The following DST variants were observed in gnomAD, a reference collection of about 807,000 sequenced individuals.
The protein encoded by DST is dystonin.
Under a neutral mutation model 875.2 loss-of-function variants are expected in DST, and 253 were observed. The observed-to-expected ratio is 0.29, with a 90% confidence interval of 0.26 to 0.32. The LOEUF (loss-of-function observed/expected upper bound fraction) is 0.32, where lower values mean the gene tolerates loss of function less well. Ranked by LOEUF, DST falls within the 10% of genes least tolerant of loss-of-function variation. The pLI is 1.00. For missense variants in DST, 8,287 were observed against 9,111.6 expected (o/e 0.91, Z 3.68); for synonymous variants, 3,124 against 3,197.1 (o/e 0.98, Z 0.77).
At chr6:56,734,233 G>A (rs936955369) in intron 5 of DST, among the ~76,000 whole-genome samples, 3 of 152,234 alleles carry the variant, frequency 2.0e-5, no homozygotes, top group African/African-American at 7.2e-5. Context: ...CTCCCTGAGG[G>A]ATATTATCAG....
At chr6:56,645,762 T>G in intron 15 of DST, 104 bp downstream of exon 15, 1 of 1,369,184 alleles carries the variant, frequency 7.3e-7, no homozygotes, top group East Asian at 2.3e-5. Context: ...ATTAAGAGAC[T>G]TATCCAAGGC....
At chr6:56,465,843 C>A (rs1262014737) in intron 99 of DST, among the ~76,000 whole-genome samples, 1 of 147,386 alleles carries the variant, frequency 6.8e-6, no homozygotes, top group Non-Finnish European at 1.5e-5. Flanking sequence ...GTATTTCCCG[C>A]CCACCATATT....
chr6:56,526,601 G>A, intron 68 of DST, 34 bp from the exon 69 acceptor site: 5 of 1,590,670 alleles, frequency 3.1e-6, no homozygotes, highest in Non-Finnish European at 4.3e-6. Context: ...TAACACTTAA[G>A]AGCTTCAACA....
chr6:56,608,056 G>A lies in DST; in HGVS notation c.6572C>T (p.Thr2191Ile), dbSNP rs1453768114. Residue 2191 changes from threonine to isoleucine, a missense_variant, in exon 40 of 104, where the codon ACT (threonine) becomes ATT (isoleucine). Physicochemically the swap from Thr to Ile is moderately conservative, Grantham distance 89. Coordinates refer to ENST00000680361, the MANE Select transcript of DST (RefSeq NM_001374736.1). The part of the protein sequence containing the change: ...DVFDGEEPVT[T>I]QTSEETKKLF... ...TTTTTTAGTTTCTTCTGAGGTCTGAGTAGTGACAGGTTCTTCTCCATCAAA... is the reference window on the plus strand; with the variant it reads ...TTTTTTAGTTTCTTCTGAGGTCTGAATAGTGACAGGTTCTTCTCCATCAAA... The A allele has an allele frequency of 6.2e-7, 1 of 1,613,398 alleles. No homozygotes were observed. The highest frequency in any genetic ancestry group is 2.2e-5 in the East Asian group (1 of 44,874).
At chr6:56,500,978 T>G (rs993832379) in intron 80 of DST, 102 bp downstream of exon 80, 39 of 1,146,998 alleles carry the variant, frequency 3.4e-5, no homozygotes, top group Non-Finnish European at 4.6e-5. Context: ...TGTGTCAAAA[T>G]CATAAACTTG....
intron 82 of DST, 139 bp downstream of exon 82, chr6:56,497,240 T>TCTA: frequency 1.2e-6 from 1 of 848,040 alleles, no homozygotes; most frequent in Non-Finnish European, 1.7e-6. Context: ...ATGGTGTGTT[T>TCTA]CTAACATGTA....
At chr6:56,650,024 A>G (rs2098965665) in intron 12 of DST, among the ~76,000 whole-genome samples, 1 of 152,174 alleles carries the variant, frequency 6.6e-6, no homozygotes, top group Non-Finnish European at 1.5e-5. Flanking sequence ...GAGCATGGGA[A>G]CAGGCTACTC....
At chr6:56,688,285 G>T (rs2099202143) in intron 9 of DST, among the ~76,000 whole-genome samples, 1 of 152,090 alleles carries the variant, frequency 6.6e-6, no homozygotes, top group Admixed American at 6.5e-5. Flanking sequence ...GTGGAGCAAG[G>T]CTAAACACAT....
At chr6:56,753,741 T>C (rs1460270435) in intron 4 of DST, among the ~76,000 whole-genome samples, 2 of 152,214 alleles carry the variant, frequency 1.3e-5, no homozygotes, top group East Asian at 3.8e-4. Context: ...CCTATTGTTT[T>C]AAATTAAGTT....
At chr6:56,779,188 A>G (rs1590131970) in intron 4 of DST, among the ~76,000 whole-genome samples, 4 of 152,158 alleles carry the variant, frequency 2.6e-5, no homozygotes, top group East Asian at 3.9e-4. Context: ...TCTTCTTTTG[A>G]GAAGTGTCTG....
intron 47 of DST, 68 bp downstream of exon 47, chr6:56,597,672 T>C: frequency 6.7e-7 from 1 of 1,501,468 alleles, no homozygotes; most frequent in African/African-American, 1.4e-5. Context: ...ACTCATGTGC[T>C]AGGTTATTTC....
In DST at chr6:56,522,057, T is replaced by C. The variant is rs146218969; in HGVS notation, c.18129+4304A>G. On this transcript the variant is annotated intron_variant, in intron 69 of 103. Coordinates refer to ENST00000680361, the MANE Select transcript of DST (RefSeq NM_001374736.1). ...CTGTAACTTCTGTTTATAGTTGAAT[T>C]AGCCTTTCAGGAATTTTCTAAAAGT... Among the ~76,000 whole-genome samples the C allele has an allele frequency of 9.6e-3, 1,465 of 152,228 alleles. 10 individuals are homozygous for C. Among genetic ancestry groups the C allele is most frequent in the Non-Finnish European group, 0.017 (1,165 of 67,988 alleles).
Position 56,489,556 on chromosome 6 carries a change from A to T in DST, c.20811T>A (p.Ser6937=). 6.2e-7 allele frequency: 1 copy of T among 1,613,286 alleles called. No individual in the cohort carries two copies. Among genetic ancestry groups the T allele is most frequent in the Non-Finnish European group, 8.5e-7 (1 of 1,179,480 alleles). Residue 6937 remains serine, a synonymous_variant, in exon 86 of 104, where the codon TCT becomes TCA. Coordinates refer to ENST00000680361, the MANE Select transcript of DST (RefSeq NM_001374736.1). The stretch of plus-strand genomic sequence containing the variant: ...TTGCGATTTCCAGTTCAGAATCCAA[A>T]GACTTTTCTGACTCTTCTAGCCACT... ...LMEWLEESEK[S]LDSELEIAND... is the part of the protein sequence containing the mutation.
chr6:56,690,339 C>T (rs1482707471), intron 9 of DST, among the ~76,000 whole-genome samples: 3 of 152,132 alleles, frequency 2.0e-5, no homozygotes, highest in African/African-American at 7.2e-5. Context: ...ATCTAATATA[C>T]TCCTTTTTTA....
Position 56,811,912 on chromosome 6 carries a change from T to C in DST, c.625+39485A>G, listed in dbSNP as rs150552297. 3.5e-3 allele frequency among the ~76,000 whole-genome samples: 529 copies of C among 151,612 alleles called. 17 individuals carry two copies. Among genetic ancestry groups the C allele is most frequent in the Admixed American group, 0.031 (473 of 15,198 alleles). On this transcript the variant is annotated intron_variant, in intron 4 of 103. Transcript: ENST00000680361. ...GAGTTTGAGACCAGCCTGGCCAATA[T>C]GGTGAAACCCCATCTCTACTAAAAA...
chr6:56,826,532 T>C (rs2099780673), intron 4 of DST, among the ~76,000 whole-genome samples: 1 of 152,216 alleles, frequency 6.6e-6, no homozygotes, highest in Non-Finnish European at 1.5e-5. Flanking sequence ...GGTTTCTCTA[T>C]TTTCATAGCT....
chr6:56,544,628 T>G (rs2097192447), intron 61 of DST, among the ~76,000 whole-genome samples: 3 of 152,342 alleles, frequency 2.0e-5, no homozygotes, highest in Non-Finnish European at 2.9e-5. Context: ...AATGGGAATG[T>G]GAATGAGAAA....
At chr6:56,492,139 T>G (rs544547223) in intron 85 of DST, 88 bp downstream of exon 85, 2 of 1,179,582 alleles carry the variant, frequency 1.7e-6, no homozygotes, top group East Asian at 4.8e-5. Flanking sequence ...TAATACAGCC[T>G]GTGATAAAAG....
Position 56,604,836 on chromosome 6 carries a change from T to C in DST, c.9792A>G (p.Thr3264=). The change falls in exon 40 of 104, where the codon ACA becomes ACG. Residue 3264 remains threonine (T), a synonymous_variant. Coordinates refer to ENST00000680361, the MANE Select transcript of DST (RefSeq NM_001374736.1). ...SGGGTEISQF[T]PESIEATLSI... ...AAAGTGTGGCTTCAATACTTTCTGG[T>C]GTGAACTGAGAAATTTCTGTTCCTC... 1 of 1,612,838 alleles carries C rather than the reference T, an allele frequency of 6.2e-7. No individual in the cohort carries two copies. The highest frequency in any genetic ancestry group is 8.5e-7 in the Non-Finnish European group (1 of 1,179,306).
Sources: allele counts gnomAD v4.1 joint callset (sites outside exome capture counted in the v4.1 genomes callset), GRCh38; gene constraint gnomAD v4.1.1; transcripts MANE v1.5; gene names NCBI Gene and HGNC (gene_info 2026-07-23, HGNC 2026-07-21).